Variants in PTPRG observed in about 807,000 individuals in gnomAD.
PTPRG encodes the protein protein tyrosine phosphatase receptor type G.
Under a neutral mutation model 165.3 loss-of-function variants are expected in PTPRG, and 102 were observed. That is an observed-to-expected ratio of 0.62 (90% confidence interval 0.53 to 0.73). The LOEUF (loss-of-function observed/expected upper bound fraction) is 0.73, where lower values mean the gene tolerates loss of function less well. Among genes scored for constraint, PTPRG ranks in the 30% least tolerant of loss-of-function variants. The pLI is 0.00. For missense variants in PTPRG, 1,866 were observed against 1,861.4 expected, an observed-to-expected ratio of 1.00 and a Z score of -0.05; for synonymous variants, 675 against 669.5, an observed-to-expected ratio of 1.01 and a Z score of -0.13.
At chr3:61,679,240 C>T (rs1407436690) in intron 1 of PTPRG, among the ~76,000 whole-genome samples, 1 of 152,138 alleles carries the variant, frequency 6.6e-6, no homozygotes, top group African/African-American at 2.4e-5. Context: ...TAATGGCCAT[C>T]GCATTTGGCA....
chr3:62,242,842 T>C (rs1371344453), intron 14 of PTPRG, among the ~76,000 whole-genome samples: 1 of 152,054 alleles, frequency 6.6e-6, no homozygotes, highest in Admixed American at 6.5e-5. Flanking sequence ...GTGTAAATGT[T>C]GTTTGGTGTG....
intron 2 of PTPRG, among the ~76,000 whole-genome samples, chr3:61,901,969 T>C (rs1318586458): frequency 1.3e-5 from 2 of 152,214 alleles, no homozygotes; most frequent in Non-Finnish European, 2.9e-5. Context: ...CATTTTTCCT[T>C]GATGAAGGTT....
At chr3:62,200,584 A>C (rs1700074732) in intron 10 of PTPRG, among the ~76,000 whole-genome samples, 1 of 152,172 alleles carries the variant, frequency 6.6e-6, no homozygotes, top group Non-Finnish European at 1.5e-5. Context: ...GTTAAACTTT[A>C]AGATGATAAA....
At chr3:62,013,134 A>G (rs2041465536) in intron 4 of PTPRG, among the ~76,000 whole-genome samples, 1 of 152,186 alleles carries the variant, frequency 6.6e-6, no homozygotes, top group Non-Finnish European at 1.5e-5. Flanking sequence ...AAAGAAATTC[A>G]ATTTCAGTTG....
chr3:62,156,575 TA>T (rs1204738011), intron 6 of PTPRG, among the ~76,000 whole-genome samples: 1 of 152,222 alleles, frequency 6.6e-6, no homozygotes, highest in Admixed American at 6.5e-5. Context: ...AATTGCATGT[TA>T]CTGGTGACTT....
At chr3:61,796,965 C>G in intron 2 of PTPRG, among the ~76,000 whole-genome samples, 1 of 152,210 alleles carries the variant, frequency 6.6e-6, no homozygotes, top group Middle Eastern at 3.4e-3. Flanking sequence ...TGTTTTCTCC[C>G]GGGTGAAGGG....
chr3:61,593,819 A>G (rs1352969463), intron 1 of PTPRG, among the ~76,000 whole-genome samples: 3 of 152,136 alleles, frequency 2.0e-5, no homozygotes, highest in African/African-American at 7.2e-5. Flanking sequence ...TACTAAATCT[A>G]ATTAATAGCT....
intron 2 of PTPRG, among the ~76,000 whole-genome samples, chr3:61,868,424 C>T (rs1037956317): frequency 2.0e-5 from 3 of 152,168 alleles, no homozygotes; most frequent in African/African-American, 7.2e-5. Flanking sequence ...CTGCCCTCTG[C>T]CCCCTGCCCC....
At chr3:62,028,746 C>T (rs932493622) in intron 4 of PTPRG, among the ~76,000 whole-genome samples, 1 of 152,194 alleles carries the variant, frequency 6.6e-6, no homozygotes, top group Non-Finnish European at 1.5e-5. Flanking sequence ...CTCAGTGGTA[C>T]AAATGTGGCT....
intron 4 of PTPRG, among the ~76,000 whole-genome samples, chr3:62,005,636 C>T (rs1482825881): frequency 1.3e-5 from 2 of 151,064 alleles, no homozygotes; most frequent in East Asian, 3.9e-4. Flanking sequence ...CAAAAATGGC[C>T]AGTTTCCTCT....
chr3:61,660,990 G>A (rs1702644897), intron 1 of PTPRG, among the ~76,000 whole-genome samples: 1 of 152,146 alleles, frequency 6.6e-6, no homozygotes, highest in Non-Finnish European at 1.5e-5. Flanking sequence ...GCCATAGAGT[G>A]AGACTCCATC....
intron 6 of PTPRG, among the ~76,000 whole-genome samples, chr3:62,140,228 TG>T (rs1459402014): frequency 6.6e-6 from 1 of 152,238 alleles, no homozygotes; most frequent in Non-Finnish European, 1.5e-5. Context: ...CTATTTCTGC[TG>T]ACGTTACACA....
intron 1 of PTPRG, among the ~76,000 whole-genome samples, chr3:61,680,501 G>GAAAAA (rs34153657): frequency 7.0e-5 from 6 of 85,220 alleles, no homozygotes; most frequent in East Asian, 8.9e-4. Flanking sequence ...TCAGCTTTAT[G>GAAAAA]AAAAAAAAAA....
At chr3:62,066,437 C>A (rs1470831319) in intron 4 of PTPRG, among the ~76,000 whole-genome samples, 2 of 152,194 alleles carry the variant, frequency 1.3e-5, no homozygotes, top group Admixed American at 1.3e-4. Context: ...ATTTTCCAGA[C>A]TTCATTTCAT....
chr3:62,284,221 A>G (rs1457283276), intron 28 of PTPRG, among the ~76,000 whole-genome samples: 1 of 152,154 alleles, frequency 6.6e-6, no homozygotes, highest in African/African-American at 2.4e-5. Context: ...ATTTTAGGGT[A>G]AGGAAAGAGG....
chr3:62,175,512 G>T (rs924976664), intron 8 of PTPRG, among the ~76,000 whole-genome samples: 1 of 152,180 alleles, frequency 6.6e-6, no homozygotes, highest in African/African-American at 2.4e-5. Flanking sequence ...CTGTGCTATT[G>T]TTTCCTATTC....
chr3:61,922,092 T>A (rs947224626), intron 2 of PTPRG, among the ~76,000 whole-genome samples: 1 of 152,244 alleles, frequency 6.6e-6, no homozygotes, highest in Non-Finnish European at 1.5e-5. Context: ...TCTGCAGGCA[T>A]ATCCTGCTTG....
chr3:61,656,192 A>G (rs952763332), intron 1 of PTPRG, among the ~76,000 whole-genome samples: 6 of 152,272 alleles, frequency 3.9e-5, no homozygotes, highest in African/African-American at 1.2e-4. Context: ...TGATTGTACC[A>G]CTGTATTCCA....
intron 1 of PTPRG, among the ~76,000 whole-genome samples, chr3:61,712,642 C>A (rs1198899225): frequency 2.0e-5 from 3 of 152,170 alleles, no homozygotes; most frequent in African/African-American, 7.2e-5. Context: ...CACCTTCCAC[C>A]ATGATTGTAA....
Sources: gnomAD v4.1 joint callset for allele counts (sites outside exome capture counted in the v4.1 genomes callset) on GRCh38, gnomAD v4.1.1 for gene constraint, MANE v1.5 for transcripts, NCBI Gene and HGNC (gene_info 2026-07-23, HGNC 2026-07-21) for gene names.